PEX5L: variants seen among roughly 807,000 people sequenced by gnomAD.
PEX5L encodes the protein PEX5-related protein.
PEX5L carries 30 observed loss-of-function variants against 84.0 expected under a neutral mutation model. The ratio of observed to expected loss-of-function variants is 0.36; its 90% CI spans 0.27 to 0.48. The LOEUF (loss-of-function observed/expected upper bound fraction) is 0.48. Among genes scored for constraint, PEX5L ranks in the 20% least tolerant of loss-of-function variants. PEX5L has a pLI of 0.99. For missense variants in PEX5L, 533 were observed against 754.6 expected (o/e 0.71, Z 3.44); for synonymous variants, 270 against 283.1 (o/e 0.95, Z 0.46).
intron 8 of PEX5L, among the ~76,000 whole-genome samples, chr3:179,832,971 A>C (rs535639663): frequency 6.6e-5 from 10 of 152,380 alleles, no homozygotes; most frequent in African/African-American, 2.4e-4. Context: ...GCCTTCTTTG[A>C]ATCATAGCTT....
chr3:179,917,970 T>C (rs924167048), intron 2 of PEX5L, among the ~76,000 whole-genome samples: 7 of 152,192 alleles, frequency 4.6e-5, no homozygotes, highest in African/African-American at 1.7e-4. Flanking sequence ...TGAAACGTCT[T>C]TATGTGGAGC....
chr3:180,013,975 C>A (rs1398752189), intron 1 of PEX5L, among the ~76,000 whole-genome samples: 1 of 152,132 alleles, frequency 6.6e-6, no homozygotes, highest in Non-Finnish European at 1.5e-5. Context: ...TTGTCATATT[C>A]CATTGCAAAC....
intron 2 of PEX5L, among the ~76,000 whole-genome samples, chr3:179,912,088 C>A (rs1765373648): frequency 6.6e-6 from 1 of 152,106 alleles, no homozygotes; most frequent in Admixed American, 6.6e-5. Flanking sequence ...TGGATCATTT[C>A]TACTCTTTAC....
At chr3:179,957,117 G>A (rs1780777489) in intron 2 of PEX5L, among the ~76,000 whole-genome samples, 1 of 151,582 alleles carries the variant, frequency 6.6e-6, no homozygotes, top group South Asian at 2.1e-4. Flanking sequence ...GTTACATAAA[G>A]AAGCAGGTAC....
Position 180,036,764 on chromosome 3 carries a change from AGCGCTGCGGGCT to A in PEX5L, c.-177_-166del, listed in dbSNP as rs1436948066. 2 of 719,830 alleles carry A rather than the reference AGCGCTGCGGGCT, an allele frequency of 2.8e-6. No homozygotes were observed. The highest frequency in any genetic ancestry group is 5.0e-6 in the Non-Finnish European group (2 of 398,378). 44.6% of individuals were successfully genotyped at this position (719,830 alleles called of 1,614,324 possible). A position where few individuals can be genotyped will look rare whatever the true frequency, so the allele number is the denominator to read the frequency against. On this transcript the variant is annotated 5_prime_UTR_variant, in exon 1 of 15. Coordinates refer to ENST00000467460, the MANE Select transcript of PEX5L (RefSeq NM_016559.3). ...CTCGGCCGGCCGGCGGCCACTCGGCAGCGCTGCGGGCTGCCGGGAACTGTTCTCCGCTCGGGG... is the reference window on the plus strand; with the variant it reads ...CTCGGCCGGCCGGCGGCCACTCGGCAGCCGGGAACTGTTCTCCGCTCGGGG...
chr3:179,854,505 A>G (rs576893535), intron 8 of PEX5L, among the ~76,000 whole-genome samples: 9 of 152,318 alleles, frequency 5.9e-5, no homozygotes, highest in East Asian at 5.8e-4. Context: ...GACTGACATC[A>G]AGACCAAGAC....
intron 2 of PEX5L, among the ~76,000 whole-genome samples, chr3:179,948,930 T>C (rs1778341327): frequency 6.6e-6 from 1 of 152,212 alleles, no homozygotes; most frequent in East Asian, 1.9e-4. Flanking sequence ...TCAGTATATC[T>C]ACATTCGTGC....
At chr3:179,808,209 G>T in intron 13 of PEX5L, 63 bp downstream of exon 13, 1 of 1,331,370 alleles carries the variant, frequency 7.5e-7, no homozygotes, top group Non-Finnish European at 1.0e-6. Flanking sequence ...AGACGGTGTA[G>T]CCTGTGAAAA....
chr3:179,987,199 T>C (rs1786931367), intron 1 of PEX5L, among the ~76,000 whole-genome samples: 1 of 152,152 alleles, frequency 6.6e-6, no homozygotes, highest in African/African-American at 2.4e-5. Context: ...ATAGCACTCA[T>C]TAAATATTAT....
chr3:179,826,477 A>C (rs1303027319), intron 8 of PEX5L, among the ~76,000 whole-genome samples: 1 of 152,142 alleles, frequency 6.6e-6, no homozygotes, highest in East Asian at 1.9e-4. Context: ...GTGCAATGGA[A>C]TATGCTGAAG....
chr3:179,995,139 C>T (rs557776169), intron 1 of PEX5L, among the ~76,000 whole-genome samples: 20 of 146,774 alleles, frequency 1.4e-4, no homozygotes, highest in African/African-American at 3.7e-4. Context: ...ACTATATATA[C>T]ACACACTATA....
rs531724483 is a variant in PEX5L, at chr3:179,802,405, T to G, written c.1677-373A>C. On this transcript the variant is annotated intron_variant, in intron 14 of 14. Transcript: ENST00000467460. ...CAAAAAATAGCCAGGTGTAGTGGCA[T>G]GCCCCTGTAATCCCAGCTACTAGGG... Among the ~76,000 whole-genome samples the G allele has an allele frequency of 4.6e-5, 7 of 151,510 alleles. No homozygotes were observed. In the East Asian group the frequency reaches 1.4e-3, roughly 30 times the overall value.
intron 1 of PEX5L, among the ~76,000 whole-genome samples, chr3:180,021,659 G>C (rs1429212929): frequency 6.6e-6 from 1 of 152,218 alleles, no homozygotes; most frequent in Non-Finnish European, 1.5e-5. Flanking sequence ...AAAAATAGGG[G>C]AAGAGGTAGG....
At chr3:180,027,373 A>G (rs1561083631) in intron 1 of PEX5L, among the ~76,000 whole-genome samples, 1 of 152,238 alleles carries the variant, frequency 6.6e-6, no homozygotes, top group South Asian at 2.1e-4. Flanking sequence ...TTAAGCTTAC[A>G]GAAAAATTAC....
intron 3 of PEX5L, among the ~76,000 whole-genome samples, chr3:179,896,808 T>C (rs528295076): frequency 6.6e-6 from 1 of 152,226 alleles, no homozygotes; most frequent in East Asian, 1.9e-4. Context: ...GGACTTAAAA[T>C]TTTGGACATG....
At chr3:179,891,538 C>T (rs1340621523) in intron 3 of PEX5L, among the ~76,000 whole-genome samples, 1 of 152,034 alleles carries the variant, frequency 6.6e-6, no homozygotes, top group Non-Finnish European at 1.5e-5. Context: ...AGCTCTGAAG[C>T]CAGAGAATAT....
chr3:179,928,385 T>A (rs1772080221), intron 2 of PEX5L, among the ~76,000 whole-genome samples: 2 of 152,038 alleles, frequency 1.3e-5, no homozygotes. Context: ...TTGGAGGAGG[T>A]CCCAGGAGAC....
At chr3:179,977,940 G>T (rs1378027261) in intron 1 of PEX5L, among the ~76,000 whole-genome samples, 1 of 151,922 alleles carries the variant, frequency 6.6e-6, no homozygotes, top group Non-Finnish European at 1.5e-5. Flanking sequence ...TTTTATTTTT[G>T]GGTCAAGCAT....
intron 1 of PEX5L, among the ~76,000 whole-genome samples, chr3:180,002,348 T>G (rs1320575047): frequency 6.6e-6 from 1 of 152,128 alleles, no homozygotes; most frequent in Non-Finnish European, 1.5e-5. Flanking sequence ...CACACAAGCC[T>G]TTCTTAGTTA....
Sources: gnomAD v4.1 joint callset for allele counts (sites outside exome capture counted in the v4.1 genomes callset) on GRCh38, gnomAD v4.1.1 for gene constraint, MANE v1.5 for transcripts, NCBI Gene and HGNC (gene_info 2026-07-23, HGNC 2026-07-21) for gene names.